AAK1: variants seen among roughly 807,000 people sequenced by gnomAD.
AAK1 encodes AP2 associated kinase 1.
In AAK1, 37 loss-of-function variants were observed where a neutral mutation model predicts 116.0. The ratio of observed to expected loss-of-function variants is 0.32; its 90% CI spans 0.25 to 0.42. AAK1 has a LOEUF of 0.42. AAK1 is among the 10% of genes least tolerant of loss of function. The probability of loss-of-function intolerance (pLI) is 1.00; values close to 1 mark genes in which losing one functional copy is unlikely to be tolerated. For synonymous variants in AAK1, 458 were observed against 439.9 expected (o/e 1.04, Z -0.51); for missense variants, 919 against 1,170.6 (o/e 0.79, Z 3.14).
At chr2:69,639,250 C>T (rs781652431) in intron 2 of AAK1, among the ~76,000 whole-genome samples, 1 of 152,168 alleles carries the variant, frequency 6.6e-6, no homozygotes, top group Non-Finnish European at 1.5e-5. Context: ...TATAAGTCCT[C>T]GTATAGCTAA....
intron 2 of AAK1, among the ~76,000 whole-genome samples, chr2:69,607,056 A>T (rs1673835036): frequency 6.6e-6 from 1 of 151,808 alleles, no homozygotes; most frequent in African/African-American, 2.4e-5. Context: ...CAAAAAAAAA[A>T]AAAAAAAAAA....
At chr2:69,542,448 C>T (rs1670761310) in intron 5 of AAK1, 75 bp downstream of exon 5, 1 of 1,544,232 alleles carries the variant, frequency 6.5e-7, no homozygotes, top group Non-Finnish European at 8.9e-7. Context: ...CATATCCCCA[C>T]AGTATCTACT....
At chr2:69,592,192 C>T (rs1673064373) in intron 2 of AAK1, among the ~76,000 whole-genome samples, 1 of 152,244 alleles carries the variant, frequency 6.6e-6, no homozygotes, top group Admixed American at 6.5e-5. Context: ...GTATTCCACT[C>T]AGCCAATGAC....
At position 69,466,721 on chromosome 2, in the gene AAK1, G is replaced by C. The variant is rs1674497977; in HGVS notation, c.*9148C>G. The C allele has an allele frequency of 3.0e-6, 3 of 985,386 alleles. No individual in the cohort carries two copies. Among genetic ancestry groups the C allele is most frequent in the Non-Finnish European group, 2.4e-6 (2 of 829,920 alleles). The allele number at this position is 985,386 out of a possible 1,614,324, so 61.0% of individuals were successfully genotyped here. A position where few individuals can be genotyped will look rare whatever the true frequency, so the allele number is the denominator to read the frequency against. On this transcript the variant is annotated 3_prime_UTR_variant, in exon 22 of 22. Transcript: ENST00000409085. ...AGGCAAGGAAACTGCACACAAACTG[G>C]AACACAATCAACCACTGTCTCACGT...
At position 69,466,132 on chromosome 2, in the gene AAK1, C is replaced by T; in HGVS notation, c.*9737G>A. The T allele has an allele frequency of 1.5e-6, 2 of 1,290,590 alleles. No individual in the cohort carries two copies. Among genetic ancestry groups the T allele is most frequent in the Non-Finnish European group, 2.0e-6 (2 of 988,878 alleles). The allele number at this position is 1,290,590 out of a possible 1,614,324, so 79.9% of individuals were successfully genotyped here. Reference sequence around the variant, plus strand: ...GGAGCTATGGCAAAAACATCTGGCTCACTGAGCCCATCAGTGGCTGGCTGT... The same window carrying T: ...GGAGCTATGGCAAAAACATCTGGCTTACTGAGCCCATCAGTGGCTGGCTGT... On this transcript the variant is annotated 3_prime_UTR_variant, in exon 22 of 22. Coordinates refer to ENST00000409085, the MANE Select transcript of AAK1 (RefSeq NM_014911.5).
intron 2 of AAK1, among the ~76,000 whole-genome samples, chr2:69,639,502 T>G (rs913661001): frequency 6.6e-6 from 1 of 152,202 alleles, no homozygotes; most frequent in Non-Finnish European, 1.5e-5. Flanking sequence ...AAGCCTTCAC[T>G]TCCCCCAAAC....
rs993508123 is a variant in AAK1 at position 69,598,219 on chromosome 2, A to T, written c.164-41241T>A. 3.2e-5 allele frequency: 20 copies of T among 632,388 alleles called. No individual in the cohort carries two copies. The African/African-American group carries it at 3.8e-4, about 12-fold the overall frequency. The allele number at this position is 632,388 out of a possible 1,614,324, so 39.2% of individuals were successfully genotyped here. On this transcript the variant is annotated intron_variant, in intron 2 of 21. Transcript: ENST00000409085. ...TTTCCATCGATATTTGAAATTTAGT[A>T]AAGTATCTTTTAAACTGAAACCAGA...
chr2:69,508,199 G>A lies in AAK1; in HGVS notation c.2007-621C>T, dbSNP rs1676261724. On this transcript the variant is annotated intron_variant, in intron 14 of 21. Coordinates refer to ENST00000409085, the MANE Select transcript of AAK1 (RefSeq NM_014911.5). ...AGGATCTAAAAGCAACCTGTTCTTAGACTTGTGTATCTTGTGGTGACCACC... is the reference window on the plus strand; with the variant it reads ...AGGATCTAAAAGCAACCTGTTCTTAAACTTGTGTATCTTGTGGTGACCACC... Among the ~76,000 whole-genome samples the A allele has an allele frequency of 2.0e-5, 3 of 152,166 alleles. No homozygotes were observed. The South Asian group carries it at 6.2e-4, about 31-fold the overall frequency.
chr2:69,589,577 C>T (rs539699107), intron 2 of AAK1, among the ~76,000 whole-genome samples: 65 of 151,986 alleles, frequency 4.3e-4, no homozygotes, highest in African/African-American at 1.3e-3. Flanking sequence ...GGCTTGATGG[C>T]GCATGCCTGT....
intron 2 of AAK1, among the ~76,000 whole-genome samples, chr2:69,596,668 T>C (rs1428580812): frequency 6.6e-6 from 1 of 152,252 alleles, no homozygotes; most frequent in Non-Finnish European, 1.5e-5. Context: ...GCTAAGACCA[T>C]TCATGCTTTT....
At chr2:69,610,508 T>C (rs1347733441) in intron 2 of AAK1, among the ~76,000 whole-genome samples, 3 of 152,118 alleles carry the variant, frequency 2.0e-5, no homozygotes, top group Non-Finnish European at 4.4e-5. Context: ...AATGGAACCA[T>C]AGCAAAAATT....
rs911182783 is a variant in AAK1 at position 69,463,514 on chromosome 2, T to C, written c.*12355A>G. 4 of 152,106 alleles carry C rather than the reference T, an allele frequency of 2.6e-5. No individual in the cohort carries two copies. The highest frequency in any genetic ancestry group is 9.7e-5 in the African/African-American group (4 of 41,416). 9.4% of individuals were successfully genotyped at this position (152,106 alleles called of 1,614,324 possible). On this transcript the variant is annotated 3_prime_UTR_variant, in exon 22 of 22. Transcript: ENST00000409085. ...ACCATACCCAGCTAATTTTTTTCAT[T>C]ATTTTATTTAATTTTATTTTTTAGA...
At chr2:69,527,449 T>A in intron 8 of AAK1, 130 bp from the exon 9 acceptor site, 1 of 624,116 alleles carries the variant, frequency 1.6e-6, no homozygotes, top group Non-Finnish European at 2.8e-6. Flanking sequence ...TCAGACAGTA[T>A]AATTATCCCC....
intron 2 of AAK1, among the ~76,000 whole-genome samples, chr2:69,562,977 T>C (rs1234362020): frequency 1.3e-5 from 2 of 152,036 alleles, no homozygotes; most frequent in African/African-American, 4.8e-5. Context: ...AGCAGGAGGA[T>C]TGCTTGGGCC....
intron 2 of AAK1, among the ~76,000 whole-genome samples, chr2:69,567,856 T>G (rs1254779147): frequency 6.6e-6 from 1 of 152,192 alleles, no homozygotes; most frequent in Non-Finnish European, 1.5e-5. Flanking sequence ...TATTGCTTCT[T>G]TCAAAAATAA....
Position 69,621,128 on chromosome 2 carries a change from T to C in AAK1, c.163+21750A>G, listed in dbSNP as rs1202869689. Among the ~76,000 whole-genome samples the C allele has an allele frequency of 1.3e-5, 2 of 152,208 alleles. 1 individual carries two copies. The highest frequency in any genetic ancestry group is 4.1e-4 in the South Asian group (2 of 4,834). ...GGAGGAAGCACGGTGTTAGGTGATATACTGGTCCATGCTGGGATGTTCTGA... is the reference window on the plus strand; with the variant it reads ...GGAGGAAGCACGGTGTTAGGTGATACACTGGTCCATGCTGGGATGTTCTGA... On this transcript the variant is annotated intron_variant, in intron 2 of 21. Coordinates refer to ENST00000409085, the MANE Select transcript of AAK1 (RefSeq NM_014911.5).
chr2:69,589,141 T>C (rs1181399048), intron 2 of AAK1, among the ~76,000 whole-genome samples: 1 of 152,150 alleles, frequency 6.6e-6, no homozygotes, highest in Non-Finnish European at 1.5e-5. Flanking sequence ...TGGTCAGAGA[T>C]GTGGCCGACT....
chr2:69,519,947 A>C (rs561559490), intron 11 of AAK1: 2 of 199,462 alleles, frequency 1.0e-5, no homozygotes, highest in Non-Finnish European at 2.2e-5. Context: ...CCTAAAATTG[A>C]AAGTAAGTTG....
At chr2:69,522,437 G>A (rs912246328) in intron 10 of AAK1, among the ~76,000 whole-genome samples, 4 of 152,168 alleles carry the variant, frequency 2.6e-5, no homozygotes, top group Admixed American at 2.0e-4. Flanking sequence ...TCACATCTTG[G>A]GGGCTAGAAC....
Sources: gnomAD v4.1 joint callset for allele counts (sites outside exome capture counted in the v4.1 genomes callset) on GRCh38, gnomAD v4.1.1 for gene constraint, MANE v1.5 for transcripts, NCBI Gene and HGNC (gene_info 2026-07-23, HGNC 2026-07-21) for gene names.